ZP1: variants seen among roughly 807,000 people sequenced by gnomAD.
ZP1 encodes the protein zona pellucida sperm-binding protein 1.
In ZP1, 58 loss-of-function variants were observed where a neutral mutation model predicts 67.4. That is an observed-to-expected ratio of 0.86 (90% confidence interval 0.70 to 1.07). The LOEUF is 1.07. ZP1 is among the 50% of genes least tolerant of loss of function. The pLI, the probability that ZP1 is intolerant of heterozygous loss-of-function variation, is 0.00. For synonymous variants in ZP1, 333 were observed against 332.7 expected (o/e 1.00, Z -0.01); for missense variants, 759 against 807.3 (o/e 0.94, Z 0.72).
rs1855511970 is a variant in ZP1 at position 60,868,731 on chromosome 11, T to C, written c.197-414T>C. ...ACAAAGCCCAGGATTCAAATCCTCA[T>C]TCTGCCCCTCATTGTGTGCACCTAA... On this transcript the variant is annotated intron_variant, in intron 1 of 11. Transcript: ENST00000278853. 2.0e-5 allele frequency among the ~76,000 whole-genome samples: 3 copies of C among 152,332 alleles called. No individual in the cohort carries two copies. The South Asian group carries it at 6.2e-4, about 32-fold the overall frequency.
chr11:60,874,925 T>C lies in ZP1; in HGVS notation c.1573-8T>C. The C allele has an allele frequency of 1.2e-6, 2 of 1,614,164 alleles. No homozygotes were observed. The highest frequency in any genetic ancestry group is 2.2e-5 in the South Asian group (2 of 91,086). ...CCAGCCACTTTGATGTTCTTCTCCTTCCACCAGGTTTACTTGTTCTGCAGC... is the reference window on the plus strand; with the variant it reads ...CCAGCCACTTTGATGTTCTTCTCCTCCCACCAGGTTTACTTGTTCTGCAGC... On this transcript the variant is annotated splice_region_variant and splice_polypyrimidine_tract_variant and intron_variant, in intron 9 of 11. Transcript: ENST00000278853.
In ZP1 at chr11:60,873,699, A is replaced by G; in HGVS notation, c.1496A>G (p.Gln499Arg). The G allele has an allele frequency of 1.2e-6, 2 of 1,614,142 alleles. No individual in the cohort carries two copies. Among genetic ancestry groups the G allele is most frequent in the Non-Finnish European group, 1.7e-6 (2 of 1,180,020 alleles). The change falls in exon 9 of 12, where the codon CAG becomes CGG. Residue 499 changes from glutamine (Q) to arginine (R), a missense_variant. Gln to Arg is a conservative substitution (Grantham distance 43). Transcript: ENST00000278853. The stretch of plus-strand genomic sequence containing the variant: ...GCCTTGGACGGGGCCACACCTTTCC[A>G]GTCGCACTACCAGCGATTCACTGTT... ...MVALDGATPF[Q>R]SHYQRFTVAT...
intron 6 of ZP1, 79 bp from the exon 7 acceptor site, chr11:60,873,083 G>A (rs373959681): frequency 1.4e-6 from 2 of 1,481,170 alleles, no homozygotes; most frequent in Non-Finnish European, 1.8e-6. Flanking sequence ...CACCCACGGA[G>A]TTGGTGCCTA....
chr11:60,873,678 T>C lies in ZP1; in HGVS notation c.1475T>C (p.Leu492Ser), dbSNP rs1406624202. The change falls in exon 9 of 12, where the codon TTG becomes TCG. Residue 492 changes from leucine to serine, a missense_variant. Leu to Ser is a moderately radical substitution (Grantham distance 145, BLOSUM62 -2). Transcript: ENST00000278853. ...AGCTACAGAACCCAAATGGTAGCCT[T>C]GGACGGGGCCACACCTTTCCAGTCG... The part of the protein sequence containing the change: ...GDSYRTQMVA[L>S]DGATPFQSHY... The C allele has an allele frequency of 4.3e-6, 7 of 1,614,110 alleles. No individual in the cohort carries two copies. The Admixed American group carries it at 1.2e-4, about 27-fold the overall frequency.
intron 6 of ZP1, among the ~76,000 whole-genome samples, chr11:60,871,963 T>C (rs1855579579): frequency 6.6e-6 from 1 of 152,324 alleles, no homozygotes; most frequent in South Asian, 2.1e-4. Flanking sequence ...CAATGGGTTG[T>C]AGAAATCTTG....
chr11:60,870,718 G>A (rs140280743), intron 4 of ZP1: 7,058 of 662,950 alleles, frequency 0.011, 57 homozygotes, highest in East Asian at 0.018. Context: ...GATCTGAAAC[G>A]CCCTGGTTTG....
At chr11:60,871,451 G>A (rs1011666223) in intron 6 of ZP1, 137 bp downstream of exon 6, 1 of 910,248 alleles carries the variant, frequency 1.1e-6, no homozygotes, top group Non-Finnish European at 1.7e-6. Context: ...TCTTAGGCAA[G>A]GGGCCCACCT....
At position 60,873,737 on chromosome 11, in the gene ZP1, C is replaced by A. The variant is rs773845420; in HGVS notation, c.1534C>A (p.Leu512Ile). 3.1e-6 allele frequency: 5 copies of A among 1,614,146 alleles called. No homozygotes were observed. Among genetic ancestry groups the A allele is most frequent in the Non-Finnish European group, 4.2e-6 (5 of 1,180,036 alleles). Residue 512 changes from leucine to isoleucine, a missense_variant, in exon 9 of 12, where the codon CTC (leucine) becomes ATC (isoleucine). Transcript: ENST00000278853. ...YQRFTVATFA[L>I]LDSGSQRALR... ...GCGATTCACTGTTGCTACCTTCGCC[C>A]TCCTGGACTCAGGCTCCCAGAGAGC...
In ZP1 at chr11:60,873,482, C is replaced by G; in HGVS notation, c.1348C>G (p.Leu450Val). Residue 450 changes from leucine (L) to valine (V), a missense_variant, in exon 8 of 12, where the codon CTG (leucine) becomes GTG (valine). Physicochemically the swap from Leu to Val is conservative, Grantham distance 32. Transcript: ENST00000278853. ...VRLLQRTDPN[L>V]VLLLHQCWGA... is the part of the protein sequence containing the mutation. ...GCTTCTGCAGAGGACAGACCCCAAC[C>G]TGGTCCTGCTGCTGCACCAGTGCTG... The G allele has an allele frequency of 6.2e-7, 1 of 1,613,732 alleles. No homozygotes were observed. Among genetic ancestry groups the G allele is most frequent in the Non-Finnish European group, 8.5e-7 (1 of 1,179,822 alleles).
At chr11:60,869,928 C>T (rs758409404) in intron 3 of ZP1, 28 bp downstream of exon 3, 2 of 1,519,368 alleles carry the variant, frequency 1.3e-6, no homozygotes, top group Non-Finnish European at 1.8e-6. Flanking sequence ...GTGTACTTAC[C>T]CTCTGTCTGG....
At chr11:60,873,598 C>T (rs1410237944) in intron 8 of ZP1, 34 bp downstream of exon 8, 7 of 1,614,078 alleles carry the variant, frequency 4.3e-6, no homozygotes, top group Non-Finnish European at 5.9e-6. Context: ...ACCTGCTCTG[C>T]CTCCTGTAAA....
intron 6 of ZP1, among the ~76,000 whole-genome samples, chr11:60,871,645 T>C (rs1439681202): frequency 5.9e-5 from 9 of 152,152 alleles, no homozygotes; most frequent in Admixed American, 5.9e-4. Flanking sequence ...TCAAAGCAAC[T>C]GAAAGTGTCC....
At chr11:60,874,843 G>A (rs1855669310) in intron 9 of ZP1, 90 bp from the exon 10 acceptor site, 8 of 1,287,560 alleles carry the variant, frequency 6.2e-6, no homozygotes, top group Non-Finnish European at 7.9e-6. Context: ...CCTAGACTTG[G>A]CCCAGCTCGG....
rs1031523129 is a variant in ZP1 at position 60,875,381 on chromosome 11, G to C, written c.1774+133G>C. The C allele has an allele frequency of 5.3e-6, 8 of 1,513,068 alleles. No individual in the cohort carries two copies. The Admixed American group carries it at 1.0e-4, about 19-fold the overall frequency. The allele number at this position is 1,513,068 out of a possible 1,614,324, so 93.7% of individuals were successfully genotyped here. A position where few individuals can be genotyped will look rare whatever the true frequency, so the allele number is the denominator to read the frequency against. Reference sequence around the variant, plus strand: ...GTCACTGCAGTCAGTGGGGAACTAAGTGAAGACAGACACAGTCCACCTCAT... The same window carrying C: ...GTCACTGCAGTCAGTGGGGAACTAACTGAAGACAGACACAGTCCACCTCAT... On this transcript the variant is annotated intron_variant, in intron 11 of 11. Transcript: ENST00000278853.
chr11:60,871,990 G>T (rs1022958133), intron 6 of ZP1, among the ~76,000 whole-genome samples: 4 of 152,298 alleles, frequency 2.6e-5, no homozygotes, highest in African/African-American at 9.6e-5. Context: ...ACACTGCATG[G>T]TTGCTGGGCA....
At chr11:60,874,527 TCCCA>T (rs934329257) in intron 9 of ZP1, among the ~76,000 whole-genome samples, 11 of 152,176 alleles carry the variant, frequency 7.2e-5, no homozygotes, top group Non-Finnish European at 1.6e-4. Context: ...CCTGGCCAAG[TCCCA>T]CCTCCTTGGA....
rs904509945 is a variant in ZP1, at chr11:60,873,142, C to T, written c.1113-20C>T. The T allele has an allele frequency of 4.6e-6, 7 of 1,536,278 alleles. No individual in the cohort carries two copies. In the African/African-American group the frequency reaches 8.3e-5, roughly 18 times the overall value. On this transcript the variant is annotated intron_variant, in intron 6 of 11. Coordinates refer to ENST00000278853, the MANE Select transcript of ZP1 (RefSeq NM_207341.4). Reference sequence around the variant, plus strand: ...CTGATTCTGTGTCTTCTCCCCCACCCTCTTGCACGTGGACTTCAGGCTTCA... The same window carrying T: ...CTGATTCTGTGTCTTCTCCCCCACCTTCTTGCACGTGGACTTCAGGCTTCA...
At chr11:60,869,962 C>CT (rs1590591437) in intron 3 of ZP1, 62 bp downstream of exon 3, 8 of 1,494,612 alleles carry the variant, frequency 5.4e-6, no homozygotes, top group Non-Finnish European at 6.2e-6. Flanking sequence ...ACAGGGTGGC[C>CT]TAACAGCCTT....
chr11:60,875,466 G>C lies in ZP1; in HGVS notation c.1775-48G>C, dbSNP rs751997474. ...ATACAAAGTTCTGGGGTGGAGGGGA[G>C]GGTTGGAGGGGCCTCACCCAGCCCT... On this transcript the variant is annotated intron_variant, in intron 11 of 11. Coordinates refer to ENST00000278853, the MANE Select transcript of ZP1 (RefSeq NM_207341.4). The C allele has an allele frequency of 1.9e-6, 3 of 1,606,146 alleles. No homozygotes were observed. In the South Asian group the frequency reaches 3.3e-5, roughly 18 times the overall value.
Sources: allele counts gnomAD v4.1 joint callset (sites outside exome capture counted in the v4.1 genomes callset), GRCh38; gene constraint gnomAD v4.1.1; transcripts MANE v1.5; gene names NCBI Gene and HGNC (gene_info 2026-07-23, HGNC 2026-07-21).